RYR3: variants seen among roughly 807,000 people sequenced by gnomAD.
RYR3 encodes ryanodine receptor 3.
Under a neutral mutation model 584.3 loss-of-function variants are expected in RYR3, and 207 were observed. That is an observed-to-expected ratio of 0.35 (90% CI 0.32 to 0.40). The LOEUF is 0.40. RYR3 is among the 10% of genes least tolerant of loss of function. RYR3 has a pLI of 1.00. For missense variants in RYR3, 5,616 were observed against 6,089.2 expected, an observed-to-expected ratio of 0.92 and a Z score of 2.59; for synonymous variants, 2,416 against 2,248.5, an observed-to-expected ratio of 1.07 and a Z score of -2.11.
In RYR3 at chr15:33,823,084, A is replaced by G; in HGVS notation, c.11072+12A>G. 1.9e-6 allele frequency: 3 copies of G among 1,608,804 alleles called. No individual in the cohort carries two copies. Among genetic ancestry groups the G allele is most frequent in the Non-Finnish European group, 2.5e-6 (3 of 1,176,662 alleles). On this transcript the variant is annotated intron_variant, in intron 81 of 103. Coordinates refer to ENST00000634891, the MANE Select transcript of RYR3 (RefSeq NM_001036.6). The stretch of plus-strand genomic sequence containing the variant: ...ATGCAGTCTTGCAGGTAAATGCGGG[A>G]AAACTACCATAGCATTTAAAAAACT...
intron 1 of RYR3, among the ~76,000 whole-genome samples, chr15:33,366,630 A>C (rs1975535626): frequency 6.6e-6 from 1 of 152,202 alleles, no homozygotes; most frequent in South Asian, 2.1e-4. Flanking sequence ...AACTTGGGAA[A>C]CATTGAGATG....
At chr15:33,644,230 A>T in intron 27 of RYR3, 81 bp from the exon 28 acceptor site, 1 of 1,074,636 alleles carries the variant, frequency 9.3e-7, no homozygotes, top group South Asian at 1.4e-5. Context: ...AAAGCCCTTA[A>T]GGAAGCAAAG....
intron 1 of RYR3, among the ~76,000 whole-genome samples, chr15:33,469,926 G>A (rs898683699): frequency 1.5e-4 from 23 of 152,128 alleles, no homozygotes; most frequent in Admixed American, 7.9e-4. Flanking sequence ...AGATGAATAC[G>A]GGAATGGAGG....
intron 7 of RYR3, among the ~76,000 whole-genome samples, chr15:33,543,348 AATG>A (rs1428026117): frequency 6.6e-6 from 1 of 152,082 alleles, no homozygotes; most frequent in Non-Finnish European, 1.5e-5. Context: ...TTTGATTTTT[AATG>A]ATATCAATTG....
At position 33,550,433 on chromosome 15, in the gene RYR3, G is replaced by T. The variant is rs117744860; in HGVS notation, c.972+117G>T. ...TGGAACAAAGTGAAATTGGAAATTT[G>T]CCCTAAGATAGATAAACACTTTCTT... On this transcript the variant is annotated intron_variant, in intron 10 of 103. Transcript: ENST00000634891. 8,798 of 992,158 alleles carry T rather than the reference G, an allele frequency of 8.9e-3. 78 individuals are homozygous for T. The highest frequency in any genetic ancestry group is 0.026 in the Admixed American group (902 of 34,122). 61.5% of individuals were successfully genotyped at this position (992,158 alleles called of 1,614,324 possible). A position where few individuals can be genotyped will look rare whatever the true frequency, so the allele number is the denominator to read the frequency against.
intron 43 of RYR3, among the ~76,000 whole-genome samples, chr15:33,721,767 GT>G (rs1003405049): frequency 4.0e-5 from 6 of 149,060 alleles, no homozygotes; most frequent in African/African-American, 9.8e-5. Flanking sequence ...CTGAGACAGA[GT>G]TTTTTTTTTA....
chr15:33,601,528 C>T lies in RYR3; in HGVS notation c.1898C>T (p.Thr633Ile). The change falls in exon 17 of 104, where the codon ACA (threonine) becomes ATA (isoleucine). Residue 633 changes from threonine to isoleucine, a missense_variant. By Grantham distance (89) the Thr-to-Ile change is moderately conservative (BLOSUM62 -1). Around this residue, in one of 9 missense-constraint regions of RYR3, gnomAD observed 1,284 missense variants for 1,344.6 expected, o/e 0.95. Transcript: ENST00000634891. ...CCCCGGAGAAACCTACTCCTGCAGACACGACTGATTAACGATGTAACCAGG... is the reference window on the plus strand; with the variant it reads ...CCCCGGAGAAACCTACTCCTGCAGATACGACTGATTAACGATGTAACCAGG... ...LLPRRNLLLQ[T>I]RLINDVTSIR... 6.2e-7 allele frequency: 1 copy of T among 1,613,808 alleles called. No homozygotes were observed. The highest frequency in any genetic ancestry group is 8.5e-7 in the Non-Finnish European group (1 of 1,179,810).
At chr15:33,685,944 T>A (rs1007388931) in intron 38 of RYR3, among the ~76,000 whole-genome samples, 1 of 152,150 alleles carries the variant, frequency 6.6e-6, no homozygotes, top group Non-Finnish European at 1.5e-5. Flanking sequence ...TTTAAAGCAG[T>A]GTGTAGAGGG....
At chr15:33,594,998 G>A (rs191484401) in intron 16 of RYR3, among the ~76,000 whole-genome samples, 48 of 152,284 alleles carry the variant, frequency 3.2e-4, no homozygotes, top group African/African-American at 1.1e-3. Context: ...AATGCTTCCT[G>A]TATAATTTTT....
chr15:33,796,174 G>A (rs545989462), intron 67 of RYR3, among the ~76,000 whole-genome samples: 9 of 152,122 alleles, frequency 5.9e-5, no homozygotes, highest in African/African-American at 1.4e-4. Flanking sequence ...TCGCTCTGTC[G>A]CCCAGGCTGG....
intron 97 of RYR3, 48 bp from the exon 98 acceptor site, chr15:33,854,718 A>G (rs1316058827): frequency 6.4e-6 from 10 of 1,559,490 alleles, no homozygotes; most frequent in Admixed American, 2.0e-5. Context: ...TATAATGAGC[A>G]CACTATGAGG....
chr15:33,732,811 T>C (rs111435758), intron 48 of RYR3, among the ~76,000 whole-genome samples: 1 of 152,206 alleles, frequency 6.6e-6, no homozygotes, highest in African/African-American at 2.4e-5. Flanking sequence ...GATTCCAATA[T>C]GTAGTCCAGA....
chr15:33,757,011 G>C (rs1019023769), intron 59 of RYR3, among the ~76,000 whole-genome samples: 1 of 152,274 alleles, frequency 6.6e-6, no homozygotes, highest in Middle Eastern at 3.4e-3. Flanking sequence ...GTTGCCAAAA[G>C]GAAGAAGGGG....
intron 12 of RYR3, among the ~76,000 whole-genome samples, chr15:33,568,942 T>A (rs989795181): frequency 6.6e-6 from 1 of 152,218 alleles, no homozygotes; most frequent in Admixed American, 6.5e-5. Flanking sequence ...GTCTTTTGAA[T>A]CTGGCCTTTT....
intron 8 of RYR3, among the ~76,000 whole-genome samples, chr15:33,544,401 C>A (rs1332636479): frequency 1.3e-5 from 2 of 152,078 alleles, no homozygotes; most frequent in Non-Finnish European, 2.9e-5. Context: ...AGCAGTGAGT[C>A]TGATCCGGTG....
intron 1 of RYR3, among the ~76,000 whole-genome samples, chr15:33,318,015 G>A (rs1204129152): frequency 6.6e-6 from 1 of 152,216 alleles, no homozygotes; most frequent in Non-Finnish European, 1.5e-5. Flanking sequence ...AAGAAGGAAA[G>A]CAAACACTCT....
intron 86 of RYR3, among the ~76,000 whole-genome samples, chr15:33,833,097 C>T (rs2077802777): frequency 1.3e-5 from 2 of 151,746 alleles, no homozygotes; most frequent in South Asian, 2.1e-4. Context: ...CATTCTGTGT[C>T]AGTGATTTGG....
rs1386072208 is a variant in RYR3, at chr15:33,704,268, C to T, written c.6484-2651C>T. 6.4e-5 allele frequency among the ~76,000 whole-genome samples: 9 copies of T among 140,650 alleles called. No homozygotes were observed. The South Asian group carries it at 9.4e-4, about 15-fold the overall frequency. The allele number at this position is 140,650 out of a possible 152,430, so 92.3% of individuals were successfully genotyped here. Reference sequence around the variant, plus strand: ...CAGCCTGGGAGCCTGGGTGACAGAGCGAGACTCCGTCTCAAAAAAAAAAAA... The same window carrying T: ...CAGCCTGGGAGCCTGGGTGACAGAGTGAGACTCCGTCTCAAAAAAAAAAAA... On this transcript the variant is annotated intron_variant, in intron 42 of 103. Transcript: ENST00000634891.
chr15:33,550,737 AC>A (rs574000213), intron 10 of RYR3, among the ~76,000 whole-genome samples: 595 of 36,560 alleles, frequency 0.016, 5 homozygotes, highest in African/African-American at 0.16. Context: ...AATTTGTTAA[AC>A]AAAAAAAAGA....
Sources: allele counts gnomAD v4.1 joint callset (sites outside exome capture counted in the v4.1 genomes callset), GRCh38; gene constraint gnomAD v4.1.1; regional missense constraint gnomAD v4.1.1; transcripts MANE v1.5; gene names NCBI Gene and HGNC (gene_info 2026-07-23, HGNC 2026-07-21).